The following SND1 variants were observed in gnomAD, a reference collection of about 807,000 sequenced individuals.
The protein encoded by SND1 is staphylococcal nuclease and tudor domain containing 1, also known as staphylococcal nuclease domain-containing protein 1.
SND1 carries 38 observed loss-of-function variants against 121.7 expected under a neutral mutation model. That is an observed-to-expected ratio of 0.31 (90% CI 0.24 to 0.41). The LOEUF (loss-of-function observed/expected upper bound fraction) is 0.41, where lower values mean the gene tolerates loss of function less well. Ranked by LOEUF, SND1 falls within the 10% of genes least tolerant of loss-of-function variation. The pLI, the probability that SND1 is intolerant of heterozygous loss-of-function variation, is 1.00. For synonymous variants in SND1, 401 were observed against 447.4 expected (o/e 0.90, Z 1.31); for missense variants, 868 against 1,184.6 (o/e 0.73, Z 3.92).
intron 21 of SND1, among the ~76,000 whole-genome samples, chr7:128,089,221 T>C (rs1793735350): frequency 6.6e-6 from 1 of 151,964 alleles, no homozygotes; most frequent in Non-Finnish European, 1.5e-5. Flanking sequence ...GCCCAGCTAA[T>C]TTTTGTGTTT....
At chr7:128,016,085 T>A (rs990944520) in intron 16 of SND1, among the ~76,000 whole-genome samples, 38 of 152,130 alleles carry the variant, frequency 2.5e-4, no homozygotes, top group African/African-American at 8.9e-4. Flanking sequence ...TTAAGGCTTT[T>A]TCTCCCTTAA....
At chr7:127,815,541 CGAG>C (rs1563023196) in intron 11 of SND1, among the ~76,000 whole-genome samples, 1 of 151,532 alleles carries the variant, frequency 6.6e-6, no homozygotes, top group Non-Finnish European at 1.5e-5. Flanking sequence ...AGGAGGAGGA[CGAG>C]GAGGAGTATT....
intron 16 of SND1, among the ~76,000 whole-genome samples, chr7:128,062,907 G>A (rs1793254204): frequency 6.6e-6 from 1 of 152,200 alleles, no homozygotes; most frequent in Admixed American, 6.5e-5. Context: ...CAGAGGGCTC[G>A]AGACCAGCAC....
At chr7:127,891,023 A>T (rs956672510) in intron 13 of SND1, among the ~76,000 whole-genome samples, 1 of 152,146 alleles carries the variant, frequency 6.6e-6, no homozygotes, top group Non-Finnish European at 1.5e-5. Flanking sequence ...AATACTCAGC[A>T]TGAACTGTGA....
intron 14 of SND1, among the ~76,000 whole-genome samples, chr7:127,908,891 G>A (rs995445922): frequency 1.3e-5 from 2 of 152,148 alleles, no homozygotes; most frequent in Admixed American, 6.5e-5. Context: ...ATAAAATGGG[G>A]CTGGTACATG....
intron 14 of SND1, among the ~76,000 whole-genome samples, chr7:127,927,333 G>C (rs982726234): frequency 1.1e-4 from 17 of 152,260 alleles, no homozygotes; most frequent in African/African-American, 3.9e-4. Context: ...GAGATGTTAG[G>C]TTGCCTCATG....
chr7:127,908,101 A>G (rs745372514), intron 14 of SND1, among the ~76,000 whole-genome samples: 2 of 152,162 alleles, frequency 1.3e-5, no homozygotes, highest in African/African-American at 2.4e-5. Context: ...TGGACAGAAC[A>G]TCTGCATATA....
At chr7:128,011,837 G>A (rs1479435803) in intron 16 of SND1, among the ~76,000 whole-genome samples, 2 of 152,172 alleles carry the variant, frequency 1.3e-5, no homozygotes, top group African/African-American at 4.8e-5. Context: ...CATCATGTCT[G>A]GGATATACTT....
rs183800521 is a variant in SND1 at position 127,680,499 on chromosome 7, T to G, written c.79-6114T>G. Among the ~76,000 whole-genome samples the G allele has an allele frequency of 4.6e-5, 7 of 152,240 alleles. No individual in the cohort carries two copies. The East Asian group carries it at 1.4e-3, about 29-fold the overall frequency. On this transcript the variant is annotated intron_variant, in intron 1 of 23. Transcript: ENST00000354725. Reference sequence around the variant, plus strand: ...TAGATGCCCACCCTCAGGGGCACATTCTCTTTCTCAGGGATGTTCCTTGCT... The same window carrying G: ...TAGATGCCCACCCTCAGGGGCACATGCTCTTTCTCAGGGATGTTCCTTGCT...
At chr7:127,939,352 A>G (rs1209333840) in intron 15 of SND1, among the ~76,000 whole-genome samples, 1 of 152,248 alleles carries the variant, frequency 6.6e-6, no homozygotes, top group African/African-American at 2.4e-5. Flanking sequence ...ACAGACTTCC[A>G]TGACATAATC....
chr7:127,923,888 T>C (rs1028207083), intron 14 of SND1, among the ~76,000 whole-genome samples: 1 of 152,014 alleles, frequency 6.6e-6, no homozygotes, highest in African/African-American at 2.4e-5. Context: ...ATCTCCACAC[T>C]CTTTTTTTTC....
In SND1 at chr7:127,841,416, A is replaced by G. The variant is rs1463194019; in HGVS notation, c.1243-2908A>G. ...ATTAACTTCCCAGCGAATGCCCCCA[A>G]ATTGGACCATACCCTGTGGCCTTGT... On this transcript the variant is annotated intron_variant, in intron 11 of 23. Coordinates refer to ENST00000354725, the MANE Select transcript of SND1 (RefSeq NM_014390.4). Among the ~76,000 whole-genome samples the G allele has an allele frequency of 3.3e-5, 5 of 152,162 alleles. No homozygotes were observed. In the East Asian group the frequency reaches 9.6e-4, roughly 29 times the overall value.
chr7:127,706,106 TAAC>T (rs1796190081), intron 8 of SND1, among the ~76,000 whole-genome samples: 1 of 152,218 alleles, frequency 6.6e-6, no homozygotes, highest in Non-Finnish European at 1.5e-5. Context: ...AAAGATATAA[TAAC>T]CGTATCAAGT....
At chr7:127,806,292 T>C (rs1007741432) in intron 10 of SND1, among the ~76,000 whole-genome samples, 8 of 152,312 alleles carry the variant, frequency 5.3e-5, no homozygotes, top group African/African-American at 1.9e-4. Context: ...ATTCATTTCT[T>C]CAAGTGGTTC....
At chr7:128,065,589 G>A (rs944078893) in intron 16 of SND1, among the ~76,000 whole-genome samples, 13 of 152,166 alleles carry the variant, frequency 8.5e-5, no homozygotes, top group African/African-American at 2.9e-4. Flanking sequence ...ATCATACACC[G>A]ATTTTCCCCA....
chr7:127,669,167 A>G (rs1285011760), intron 1 of SND1, among the ~76,000 whole-genome samples: 2 of 152,036 alleles, frequency 1.3e-5, no homozygotes, highest in Admixed American at 6.6e-5. Flanking sequence ...TCATTTTTGT[A>G]TTTTTAGTAG....
intron 16 of SND1, among the ~76,000 whole-genome samples, chr7:128,016,145 C>T (rs4731389): frequency 0.69 from 100,107 of 144,250 alleles, 35,134 homozygotes; most frequent in African/African-American, 0.85. Context: ...GAACAACTTC[C>T]TTTTTTTTTT....
chr7:127,664,048 G>A (rs918635594), intron 1 of SND1, among the ~76,000 whole-genome samples: 8 of 151,848 alleles, frequency 5.3e-5, no homozygotes, highest in Admixed American at 1.3e-4. Flanking sequence ...TGCTTTTTTC[G>A]AGACAAGGTC....
chr7:127,728,388 C>T (rs778017058), intron 10 of SND1, among the ~76,000 whole-genome samples: 2 of 152,170 alleles, frequency 1.3e-5, no homozygotes, highest in Admixed American at 6.5e-5. Context: ...CTGGTGTGTT[C>T]ACATTTCTTG....
Sources: allele counts gnomAD v4.1 joint callset (sites outside exome capture counted in the v4.1 genomes callset), GRCh38; gene constraint gnomAD v4.1.1; transcripts MANE v1.5; gene names NCBI Gene and HGNC (gene_info 2026-07-23, HGNC 2026-07-21).